Variants in PCMT1 observed in about 807,000 individuals in gnomAD.
The protein encoded by PCMT1 is protein-L-isoaspartate(D-aspartate) O-methyltransferase.
Under a neutral mutation model 29.2 loss-of-function variants are expected in PCMT1, and 9 were observed. The observed-to-expected ratio is 0.31, with a 90% CI of 0.19 to 0.54. The LOEUF (loss-of-function observed/expected upper bound fraction) is 0.54, where lower values mean the gene tolerates loss of function less well. PCMT1 is among the 20% of genes least tolerant of loss of function. PCMT1 has a pLI of 0.95. For synonymous variants in PCMT1, 98 were observed against 97.5 expected (o/e 1.00, Z -0.03); for missense variants, 184 against 282.2 (o/e 0.65, Z 2.49).
chr6:149,759,583 C>T (rs1035860017), intron 1 of PCMT1, among the ~76,000 whole-genome samples: 1 of 152,078 alleles, frequency 6.6e-6, no homozygotes, highest in Non-Finnish European at 1.5e-5. Flanking sequence ...CAACCTCCGC[C>T]TCCCTTGTTC....
At chr6:149,782,478 T>C (rs1350319783) in intron 3 of PCMT1, among the ~76,000 whole-genome samples, 1 of 152,158 alleles carries the variant, frequency 6.6e-6, no homozygotes, top group Non-Finnish European at 1.5e-5. Context: ...TAAAATGGTA[T>C]CCTGGTAGCA....
chr6:149,777,677 TTTC>T (rs1300591906), intron 3 of PCMT1, among the ~76,000 whole-genome samples: 1 of 152,136 alleles, frequency 6.6e-6, no homozygotes, highest in African/African-American at 2.4e-5. Flanking sequence ...CTAAAAATAA[TTTC>T]TTCTAAGATA....
chr6:149,783,703 T>C (rs1787907292), intron 3 of PCMT1, among the ~76,000 whole-genome samples: 1 of 151,958 alleles, frequency 6.6e-6, no homozygotes. Flanking sequence ...TCTTTTTTTT[T>C]CTCCCCCCTG....
chr6:149,796,569 G>T (rs1788620453), intron 6 of PCMT1, 69 bp downstream of exon 6: 1 of 1,070,268 alleles, frequency 9.3e-7, no homozygotes, highest in Non-Finnish European at 1.4e-6. Context: ...AAATAGAAAA[G>T]ACTTCTAGAT....
At chr6:149,750,315 G>A (rs1023821371) in intron 1 of PCMT1, 1 of 285,866 alleles carries the variant, frequency 3.5e-6, no homozygotes, top group Non-Finnish European at 6.6e-6. Context: ...GGGTGGGAGC[G>A]TGTGGGCTAG....
At chr6:149,776,084 G>C (rs914875668) in intron 3 of PCMT1, among the ~76,000 whole-genome samples, 1 of 151,944 alleles carries the variant, frequency 6.6e-6, no homozygotes. Context: ...GCTTGAACCC[G>C]GGAGGCAGAG....
At chr6:149,789,201 G>A (rs1788252355) in intron 3 of PCMT1, among the ~76,000 whole-genome samples, 3 of 150,616 alleles carry the variant, frequency 2.0e-5, no homozygotes, top group Admixed American at 6.6e-5. Context: ...TCAGCCTCCC[G>A]AGTAGCTGGG....
chr6:149,806,230 A>G (rs1776010557), intron 7 of PCMT1, among the ~76,000 whole-genome samples: 1 of 152,140 alleles, frequency 6.6e-6, no homozygotes, highest in Non-Finnish European at 1.5e-5. Context: ...AACGTAGGAG[A>G]TGCAAAGACC....
intron 1 of PCMT1, among the ~76,000 whole-genome samples, chr6:149,765,084 G>T (rs927957324): frequency 1.3e-5 from 2 of 149,906 alleles, no homozygotes; most frequent in African/African-American, 4.9e-5. Flanking sequence ...ATGCGGCCAG[G>T]TGCGGTGGCT....
chr6:149,794,213 T>G (rs748772117), intron 5 of PCMT1, among the ~76,000 whole-genome samples: 1 of 152,216 alleles, frequency 6.6e-6, no homozygotes, highest in Non-Finnish European at 1.5e-5. Context: ...ATGTTTAGGT[T>G]TTTGATCTTC....
chr6:149,768,315 C>T (rs1048263731), intron 1 of PCMT1, among the ~76,000 whole-genome samples: 2 of 152,098 alleles, frequency 1.3e-5, no homozygotes, highest in East Asian at 3.9e-4. Context: ...TGGTCTTGAG[C>T]TCCTAGGCTT....
intron 3 of PCMT1, among the ~76,000 whole-genome samples, chr6:149,776,935 T>G (rs1787594818): frequency 6.6e-6 from 1 of 152,182 alleles, no homozygotes; most frequent in Non-Finnish European, 1.5e-5. Flanking sequence ...GATTTCCCAG[T>G]TTTATTTCAA....
At chr6:149,750,347 C>T (rs747729621) in intron 1 of PCMT1, 7 of 201,274 alleles carry the variant, frequency 3.5e-5, no homozygotes, top group Non-Finnish European at 5.0e-5. Flanking sequence ...AGTGGGCTGG[C>T]GCTCAGGAGA....
chr6:149,805,967 C>T (rs2342858), intron 7 of PCMT1, among the ~76,000 whole-genome samples: 79,895 of 149,282 alleles, frequency 0.54, 24,513 homozygotes, highest in East Asian at 0.83. Flanking sequence ...ATTGAGCAAA[C>T]TTACATGTTC....
chr6:149,772,327 AT>A (rs1787360068), intron 2 of PCMT1: 1 of 332,472 alleles, frequency 3.0e-6, no homozygotes, highest in South Asian at 2.4e-5. Flanking sequence ...GTGAATTAAC[AT>A]TAGATGATAA....
rs558196713 is a variant in PCMT1 at position 149,780,760 on chromosome 6, G to T, written c.192+7591G>T. Among the ~76,000 whole-genome samples, 8 of 152,246 alleles carry T rather than the reference G, an allele frequency of 5.3e-5. No homozygotes were observed. The South Asian group carries it at 1.0e-3, about 20-fold the overall frequency. Reference sequence around the variant, plus strand: ...CAACATTTATCTATTAACTGTTGAGGGACATTTGGATTGTTTCCAGTGTTT... The same window carrying T: ...CAACATTTATCTATTAACTGTTGAGTGACATTTGGATTGTTTCCAGTGTTT... On this transcript the variant is annotated intron_variant, in intron 3 of 7. Transcript: ENST00000464889.
intron 3 of PCMT1, among the ~76,000 whole-genome samples, chr6:149,786,752 CGAT>C (rs1348397713): frequency 1.3e-5 from 2 of 148,286 alleles, no homozygotes; most frequent in African/African-American, 2.5e-5. Flanking sequence ...ACATCTCAGA[CGAT>C]GGGCGGCTGA....
At chr6:149,795,000 C>T in intron 5 of PCMT1, 1 of 371,724 alleles carries the variant, frequency 2.7e-6, no homozygotes, top group South Asian at 2.0e-5. Flanking sequence ...CGAGACCAGC[C>T]TGGCCAACAT....
intron 1 of PCMT1, chr6:149,750,210 C>T (rs1453627480): frequency 1.8e-6 from 1 of 564,194 alleles, no homozygotes; most frequent in African/African-American, 1.9e-5. Flanking sequence ...GGGCAGTCGT[C>T]TCCCTGCAGG....
Sources: gnomAD v4.1 joint callset for allele counts (sites outside exome capture counted in the v4.1 genomes callset) on GRCh38, gnomAD v4.1.1 for gene constraint, MANE v1.5 for transcripts, NCBI Gene and HGNC (gene_info 2026-07-23, HGNC 2026-07-21) for gene names.